The following PAPLN variants were observed in gnomAD, a reference collection of about 807,000 sequenced individuals.
PAPLN encodes papilin.
PAPLN carries 146 observed loss-of-function variants against 159.0 expected under a neutral mutation model. That is an observed-to-expected ratio of 0.92 (90% CI 0.80 to 1.05). PAPLN has a LOEUF of 1.05. Ranked by LOEUF, PAPLN falls within the 50% of genes least tolerant of loss-of-function variation. PAPLN has a pLI of 0.00. For missense variants in PAPLN, 1,720 were observed against 1,743.9 expected, an observed-to-expected ratio of 0.99 and a Z score of 0.24; for synonymous variants, 734 against 702.9, an observed-to-expected ratio of 1.04 and a Z score of -0.70.
chr14:73,250,370 G>A (rs557017903), intron 6 of PAPLN, among the ~76,000 whole-genome samples: 4 of 152,300 alleles, frequency 2.6e-5, no homozygotes, highest in East Asian at 1.9e-4. Flanking sequence ...GGCTAAAACC[G>A]ACTTCAGAAA....
At position 73,252,717 on chromosome 14, in the gene PAPLN, C is replaced by T. The variant is rs764486176; in HGVS notation, c.1036C>T (p.Gln346Ter). 13 of 1,613,476 alleles carry T rather than the reference C, an allele frequency of 8.1e-6. No individual in the cohort carries two copies. In the South Asian group the frequency reaches 9.9e-5, roughly 12 times the overall value. Residue 346 changes from glutamine (Q) to a stop codon, truncating the protein, a stop_gained, in exon 11 of 27, where the codon CAG becomes TAG. Transcript: ENST00000644200. LOFTEE classifies it high-confidence loss of function. ...EAYPDHMCQR[Q>*]PRPADRRSCN... is the part of the protein sequence containing the mutation. The stretch of plus-strand genomic sequence containing the variant: ...CTACCCCGACCACATGTGCCAGCGC[C>T]AGCCACGGCCAGCTGACCGGCGTTC...
rs1170898050 is a variant in PAPLN, at chr14:73,266,000, T to C, written c.3263+493T>C. Among the ~76,000 whole-genome samples the C allele has an allele frequency of 2.0e-5, 3 of 152,152 alleles. No individual in the cohort carries two copies. In the East Asian group the frequency reaches 5.8e-4, roughly 29 times the overall value. On this transcript the variant is annotated intron_variant, in intron 23 of 26. Transcript: ENST00000644200. This position sits in a 1 kb window ranked among gnomAD's most constrained non-coding sequence, Gnocchi z 4.1. ...AAAACTAGAAACCCAAACCGAAATT[T>C]TGTATCAGAAAACTTGAAATGGTTT...
At position 73,263,642 on chromosome 14, in the gene PAPLN, C is replaced by T. The variant is rs200093104; in HGVS notation, c.2724-3C>T. 1.2e-4 allele frequency: 187 copies of T among 1,613,760 alleles called. 1 individual carries two copies. Among genetic ancestry groups the T allele is most frequent in the East Asian group, 6.2e-4 (28 of 44,892 alleles). On this transcript the variant is annotated splice_polypyrimidine_tract_variant and splice_region_variant and intron_variant, in intron 19 of 26. Coordinates refer to ENST00000644200, the MANE Select transcript of PAPLN (RefSeq NM_001365906.3). ...CAGCAGATCTCACTTCCCACCTCTC[C>T]AGGATTAGCTTGGCAGGTGTGGAGC...
In PAPLN at chr14:73,243,444, A is replaced by G. The variant is rs563276122; in HGVS notation, c.55-1200A>G. 2.6e-5 allele frequency: 4 copies of G among 152,360 alleles called. No individual in the cohort carries two copies. The South Asian group carries it at 8.3e-4, about 32-fold the overall frequency. The allele number at this position is 152,360 out of a possible 1,614,324, so 9.4% of individuals were successfully genotyped here. The stretch of plus-strand genomic sequence containing the variant: ...CCTCCTGGGAAAATTGTGAAGTTAC[A>G]TCTAATCCCTGTCCAACCCTGTAGG... On this transcript the variant is annotated intron_variant, in intron 2 of 26. Transcript: ENST00000644200.
chr14:73,236,140 C>A (rs371605330), upstream of PAPLN, among the ~76,000 whole-genome samples: 3 of 149,932 alleles, frequency 2.0e-5, no homozygotes, highest in African/African-American at 7.3e-5. Flanking sequence ...GGACCAGTTT[C>A]TAAAGATGAG....
chr14:73,238,973 A>G (rs528556298), intron 1 of PAPLN, among the ~76,000 whole-genome samples: 1 of 152,352 alleles, frequency 6.6e-6, no homozygotes, highest in Non-Finnish European at 1.5e-5. Flanking sequence ...AGCGACATGT[A>G]TGTACACATA....
At chr14:73,264,874 C>CT (rs754914649) in intron 22 of PAPLN, 148 bp downstream of exon 22, 2 of 1,295,958 alleles carry the variant, frequency 1.5e-6, no homozygotes, top group Non-Finnish European at 2.1e-6. Flanking sequence ...AAAAACAGGG[C>CT]TCCCAGAGCT....
intron 2 of PAPLN, 47 bp downstream of exon 2, chr14:73,239,879 C>G (rs759637231): frequency 6.6e-7 from 1 of 1,516,680 alleles, no homozygotes; most frequent in Non-Finnish European, 8.8e-7. Flanking sequence ...GCAGGGGAGT[C>G]GGGGGCGGGG....
At position 73,265,329 on chromosome 14, in the gene PAPLN, A is replaced by G. The variant is rs1361432466; in HGVS notation, c.3126-41A>G. The G allele has an allele frequency of 1.3e-6, 2 of 1,592,854 alleles. No homozygotes were observed. The highest frequency in any genetic ancestry group is 1.1e-5 in the South Asian group (1 of 90,154). ...GTGCCCATGGGAGTAGGCGGGGGCA[A>G]CGGCAAGGGCCCCTCATGCTGTGGG... is the stretch of plus-strand genomic sequence containing the variant. On this transcript the variant is annotated intron_variant, in intron 22 of 26. Transcript: ENST00000644200. The surrounding 1 kb of genome is among the most constrained non-coding windows in gnomAD (Gnocchi z 4.1).
At chr14:73,241,565 C>T (rs893182139) in intron 2 of PAPLN, among the ~76,000 whole-genome samples, 7 of 152,218 alleles carry the variant, frequency 4.6e-5, no homozygotes, top group Non-Finnish European at 8.8e-5. Flanking sequence ...TAGCCTCATC[C>T]GGCTGCCACC....
rs1161938730 is a variant in PAPLN, at chr14:73,253,064, C to T, written c.1094+289C>T. 6.3e-6 allele frequency: 8 copies of T among 1,278,486 alleles called. No individual in the cohort carries two copies. In the East Asian group the frequency reaches 1.3e-4, roughly 21 times the overall value. 79.2% of individuals were successfully genotyped at this position (1,278,486 alleles called of 1,614,324 possible). On this transcript the variant is annotated intron_variant, in intron 11 of 26. Coordinates refer to ENST00000644200, the MANE Select transcript of PAPLN (RefSeq NM_001365906.3). The stretch of plus-strand genomic sequence containing the variant: ...TTCCAGAGGTCCCTGTCTGTCTGAG[C>T]CAGCAGAGGGTTTGGCTTGGCAGAT...
At chr14:73,257,867 G>A (rs527736286) in intron 14 of PAPLN, among the ~76,000 whole-genome samples, 105 of 147,666 alleles carry the variant, frequency 7.1e-4, no homozygotes, top group African/African-American at 1.5e-3. Flanking sequence ...AGGTTCAAGC[G>A]ATTCTCCTGC....
chr14:73,261,401 T>C (rs1886572913), intron 18 of PAPLN, 107 bp downstream of exon 18: 6 of 1,430,298 alleles, frequency 4.2e-6, no homozygotes, highest in Non-Finnish European at 5.6e-6. Flanking sequence ...CAGTTATTCA[T>C]TCATTCCTAC....
chr14:73,272,466 C>T (rs908784187), intron 26 of PAPLN, 29 bp from the exon 27 acceptor site: 3 of 1,486,910 alleles, frequency 2.0e-6, no homozygotes, highest in Admixed American at 2.2e-5. Flanking sequence ...GCTTCCTCAC[C>T]ACCTTCTCTC....
At position 73,262,775 on chromosome 14, in the gene PAPLN, C is replaced by T. The variant is rs1340141372; in HGVS notation, c.2671C>T (p.Leu891=). The T allele has an allele frequency of 3.3e-6, 5 of 1,507,204 alleles. No homozygotes were observed. The highest frequency in any genetic ancestry group is 4.4e-6 in the Non-Finnish European group (5 of 1,133,378). The allele number at this position is 1,507,204 out of a possible 1,614,324, so 93.4% of individuals were successfully genotyped here. A position where few individuals can be genotyped will look rare whatever the true frequency, so the allele number is the denominator to read the frequency against. ...GGAGCTTGGGTCCAGGGCCCCTGGA[C>T]TGGGTGGAGATGCCGGATCACCAGC... ...GQELGSRAPG[L]GGDAGSPAPP... The change falls in exon 19 of 27, where the codon CTG becomes TTG. Residue 891 remains leucine, a synonymous_variant. Transcript: ENST00000644200.
chr14:73,238,124 G>A (rs2140167244), intron 1 of PAPLN, among the ~76,000 whole-genome samples: 1 of 152,346 alleles, frequency 6.6e-6, no homozygotes, highest in East Asian at 1.9e-4. Flanking sequence ...GGGGCCGTGG[G>A]CGGGGGCCAC....
At chr14:73,249,207 C>T (rs1485370580) in intron 5 of PAPLN, among the ~76,000 whole-genome samples, 2 of 152,104 alleles carry the variant, frequency 1.3e-5, no homozygotes, top group South Asian at 2.1e-4. Context: ...TCATTTTAGC[C>T]CCTTTCACAT....
chr14:73,271,334 G>A (rs2269967), intron 26 of PAPLN, among the ~76,000 whole-genome samples: 22,754 of 152,012 alleles, frequency 0.15, 2,546 homozygotes, highest in East Asian at 0.53. Context: ...AAGGTTGTTC[G>A]CTGCTAGGTA....
In PAPLN at chr14:73,245,685, T is replaced by G. The variant is rs1456005043; in HGVS notation, c.220T>G (p.Cys74Gly). The G allele has an allele frequency of 6.4e-7, 1 of 1,552,128 alleles. No homozygotes were observed. Among genetic ancestry groups the G allele is most frequent in the Non-Finnish European group, 8.7e-7 (1 of 1,151,450 alleles). Residue 74 changes from cysteine to glycine, a missense_variant, in exon 4 of 27, where the codon TGT (cysteine) becomes GGT (glycine). Coordinates refer to ENST00000644200, the MANE Select transcript of PAPLN (RefSeq NM_001365906.3). This position sits in a 1 kb window ranked among gnomAD's most constrained non-coding sequence, Gnocchi z 4.2. ...CVGPARSHRS[C>G]RTESCPDGAR... ...GGGCCCCGCCCGGAGCCACCGCTCT[T>G]GTCGCACGGAGGTAAAGCTCACGGG...
Sources: allele counts gnomAD v4.1 joint callset (sites outside exome capture counted in the v4.1 genomes callset), GRCh38; gene constraint gnomAD v4.1.1; non-coding constraint Gnocchi (gnomAD v3.1); transcripts MANE v1.5; gene names NCBI Gene and HGNC (gene_info 2026-07-23, HGNC 2026-07-21).